Variants in RMND1 observed in about 807,000 individuals in gnomAD.
RMND1 encodes required for meiotic nuclear division 1 homolog, also known as required for meiotic nuclear division protein 1 homolog.
RMND1 carries 41 observed loss-of-function variants against 54.0 expected under a neutral mutation model. That is an observed-to-expected ratio of 0.76 (90% CI 0.59 to 0.98). The LOEUF (loss-of-function observed/expected upper bound fraction) is 0.98, where lower values mean the gene tolerates loss of function less well. Among genes scored for constraint, RMND1 ranks in the 50% least tolerant of loss-of-function variants. The pLI is 0.00. For synonymous variants in RMND1, 183 were observed against 181.7 expected (o/e 1.01, Z -0.06); for missense variants, 457 against 532.0 (o/e 0.86, Z 1.39).
Position 151,451,028 on chromosome 6 carries a change from C to A in RMND1, c.-15+988G>T, listed in dbSNP as rs574382423. Among the ~76,000 whole-genome samples, 8 of 152,206 alleles carry A rather than the reference C, an allele frequency of 5.3e-5. No individual in the cohort carries two copies. In the East Asian group the frequency reaches 5.8e-4, roughly 11 times the overall value. On this transcript the variant is annotated intron_variant, in intron 1 of 11. Transcript: ENST00000444024. ...GCGTGCTGGTTAAGAGTCATCACCA[C>A]TCCCTAATCTCAAGTACCCAGGGAC...
chr6:151,409,919 C>T (rs548904658), intron 10 of RMND1, among the ~76,000 whole-genome samples: 7 of 152,330 alleles, frequency 4.6e-5, no homozygotes, highest in Admixed American at 4.6e-4. Context: ...TGTCCCATGA[C>T]ACTGTGTAAC....
chr6:151,412,912 C>T (rs1779895180), intron 10 of RMND1, among the ~76,000 whole-genome samples: 1 of 152,276 alleles, frequency 6.6e-6, no homozygotes, highest in South Asian at 2.1e-4. Context: ...TCCAGTCACC[C>T]CCCCACCAGG....
At chr6:151,426,210 G>T (rs1394454031) in intron 6 of RMND1, among the ~76,000 whole-genome samples, 1 of 152,124 alleles carries the variant, frequency 6.6e-6, no homozygotes, top group African/African-American at 2.4e-5. Flanking sequence ...GCCTCCCAAA[G>T]TGCTGAGATT....
chr6:151,434,394 C>T (rs919778184), intron 3 of RMND1, among the ~76,000 whole-genome samples: 1 of 148,816 alleles, frequency 6.7e-6, no homozygotes, highest in African/African-American at 2.5e-5. Context: ...AATTCAGACA[C>T]AGACCAAAAC....
At chr6:151,443,405 G>A (rs981419145) in intron 2 of RMND1, among the ~76,000 whole-genome samples, 3 of 152,128 alleles carry the variant, frequency 2.0e-5, no homozygotes, top group Non-Finnish European at 4.4e-5. Flanking sequence ...TCCACCTCCC[G>A]AGTTCAAGAG....
At chr6:151,442,462 A>T (rs112694514) in intron 2 of RMND1, among the ~76,000 whole-genome samples, 15,160 of 152,146 alleles carry the variant, frequency 0.1, 818 homozygotes, top group Middle Eastern at 0.18. Context: ...TGCCACTCAG[A>T]CCTGCCGTTC....
At chr6:151,446,876 GGGCGACAGA>G (rs1392359019) in intron 1 of RMND1, among the ~76,000 whole-genome samples, 27 of 151,400 alleles carry the variant, frequency 1.8e-4, no homozygotes, top group Non-Finnish European at 3.2e-4. Context: ...ACTCCAGCCT[GGGCGACAGA>G]ATGAGACTCT....
chr6:151,405,873 A>C (rs1277584657), intron 10 of RMND1, 37 bp from the exon 11 acceptor site: 1 of 1,054,388 alleles, frequency 9.5e-7, no homozygotes, highest in Non-Finnish European at 1.5e-6. Flanking sequence ...GTATTTAAAC[A>C]ATTTAATACG....
At chr6:151,413,007 C>T in intron 10 of RMND1, among the ~76,000 whole-genome samples, 1 of 152,130 alleles carries the variant, frequency 6.6e-6, no homozygotes, top group Admixed American at 6.5e-5. Context: ...CCTACTTGTT[C>T]ATCTGATGAA....
chr6:151,438,525 C>T (rs761374204), intron 2 of RMND1, among the ~76,000 whole-genome samples: 1 of 152,146 alleles, frequency 6.6e-6, no homozygotes, highest in Non-Finnish European at 1.5e-5. Context: ...ACTGGCAGCT[C>T]GGAGAACCAT....
intron 10 of RMND1, among the ~76,000 whole-genome samples, chr6:151,416,420 C>CTT (rs10557273): frequency 5.2e-4 from 49 of 93,716 alleles, no homozygotes; most frequent in Admixed American, 7.9e-4. Context: ...ATCACTACAG[C>CTT]TTTTTTTTTT....
chr6:151,412,837 C>T (rs1779891665), intron 10 of RMND1, among the ~76,000 whole-genome samples: 1 of 152,146 alleles, frequency 6.6e-6, no homozygotes, highest in Non-Finnish European at 1.5e-5. Flanking sequence ...CACGAGAACT[C>T]ACTGTCACAA....
chr6:151,446,529 C>G (rs1007473449), intron 1 of RMND1, among the ~76,000 whole-genome samples: 1 of 152,048 alleles, frequency 6.6e-6, no homozygotes, highest in Non-Finnish European at 1.5e-5. Context: ...CGAGGCATGT[C>G]AGATACACAC....
intron 3 of RMND1, chr6:151,436,163 C>A: frequency 7.8e-6 from 2 of 256,506 alleles, no homozygotes; most frequent in South Asian, 5.5e-5. Flanking sequence ...ACTAAAATAA[C>A]TTCTTAATGT....
intron 10 of RMND1, among the ~76,000 whole-genome samples, chr6:151,415,787 C>T (rs1012213802): frequency 3.0e-5 from 3 of 101,614 alleles, no homozygotes; most frequent in African/African-American, 5.5e-5. Context: ...AGCAAGACTC[C>T]GTCTCAAAAA....
At chr6:151,449,797 T>C (rs1164942128) in intron 1 of RMND1, among the ~76,000 whole-genome samples, 6 of 152,238 alleles carry the variant, frequency 3.9e-5, no homozygotes, top group Non-Finnish European at 8.8e-5. Context: ...TACAGGCGCA[T>C]GCCGCCACGC....
intron 5 of RMND1, among the ~76,000 whole-genome samples, chr6:151,429,126 T>A (rs1582956736): frequency 6.6e-6 from 1 of 151,274 alleles, no homozygotes; most frequent in East Asian, 1.9e-4. Flanking sequence ...TAACCCGCTT[T>A]TTTTTTTTTT....
intron 4 of RMND1, among the ~76,000 whole-genome samples, chr6:151,431,479 T>C (rs1484166932): frequency 6.6e-6 from 1 of 152,134 alleles, no homozygotes; most frequent in African/African-American, 2.4e-5. Flanking sequence ...GGATAAGGTT[T>C]CAGGATACGG....
intron 10 of RMND1, among the ~76,000 whole-genome samples, chr6:151,407,027 C>A (rs978942318): frequency 1.3e-5 from 2 of 151,926 alleles, no homozygotes; most frequent in African/African-American, 4.8e-5. Flanking sequence ...GTGGTGTGTG[C>A]CTGTAGTTCT....
Sources: gnomAD v4.1 joint callset for allele counts (sites outside exome capture counted in the v4.1 genomes callset) on GRCh38, gnomAD v4.1.1 for gene constraint, MANE v1.5 for transcripts, NCBI Gene and HGNC (gene_info 2026-07-23, HGNC 2026-07-21) for gene names.